Variants in SEMA4D observed in about 807,000 individuals in gnomAD.
SEMA4D encodes semaphorin-4D.
Under a neutral mutation model 74.8 loss-of-function variants are expected in SEMA4D, and 22 were observed. That is an observed-to-expected ratio of 0.29 (90% CI 0.21 to 0.42). SEMA4D has a LOEUF of 0.42. Among genes scored for constraint, SEMA4D ranks in the 10% least tolerant of loss-of-function variants. The pLI is 1.00. For synonymous variants in SEMA4D, 445 were observed against 463.7 expected, an observed-to-expected ratio of 0.96 and a Z score of 0.52; for missense variants, 937 against 1,118.4, an observed-to-expected ratio of 0.84 and a Z score of 2.31.
At chr9:89,450,667 A>T (rs1158727963) in intron 2 of SEMA4D, 5 of 209,992 alleles carry the variant, frequency 2.4e-5, no homozygotes, top group East Asian at 7.7e-5. Context: ...CAGGAAAAAA[A>T]AAAAAAAAAA....
At chr9:89,453,394 T>C (rs866450721) in intron 2 of SEMA4D, among the ~76,000 whole-genome samples, 2 of 152,236 alleles carry the variant, frequency 1.3e-5, no homozygotes, top group South Asian at 2.1e-4. Context: ...AGACACAGCA[T>C]TGTATCCTGT....
intron 7 of SEMA4D, among the ~76,000 whole-genome samples, 197 bp downstream of exon 7, chr9:89,393,365 T>C (rs370139001): frequency 6.6e-6 from 1 of 152,232 alleles, no homozygotes; most frequent in African/African-American, 2.4e-5. Context: ...ACGTTTACCA[T>C]GGCGGCTATT....
intron 1 of SEMA4D, among the ~76,000 whole-genome samples, chr9:89,496,588 A>T (rs1468279186): frequency 1.3e-5 from 2 of 152,166 alleles, no homozygotes; most frequent in African/African-American, 2.4e-5. Context: ...CCTGGTGGGT[A>T]TGCTGAGCCC....
At position 89,377,386 on chromosome 9, in the gene SEMA4D, A is replaced by G. The variant is rs546848127; in HGVS notation, c.*1318T>C. The G allele has an allele frequency of 1.4e-5, 3 of 207,074 alleles. No individual in the cohort carries two copies. The highest frequency in any genetic ancestry group is 2.9e-5 in the Non-Finnish European group (3 of 104,176). 12.8% of individuals were successfully genotyped at this position (207,074 alleles called of 1,614,324 possible). A position where few individuals can be genotyped will look rare whatever the true frequency, so the allele number is the denominator to read the frequency against. On this transcript the variant is annotated 3_prime_UTR_variant, in exon 16 of 16. Transcript: ENST00000422704. ...TGCTGGAAGATAAGACTGTCCACACACGCGCACAAACATCCAGAGTTTATT... is the reference window on the plus strand; with the variant it reads ...TGCTGGAAGATAAGACTGTCCACACGCGCGCACAAACATCCAGAGTTTATT...
rs1840301725 is a variant in SEMA4D, at chr9:89,393,580, A to G, written c.490T>C (p.Tyr164His). Residue 164 changes from tyrosine to histidine, a missense_variant, in exon 7 of 16, where the codon TAC (tyrosine) becomes CAC (histidine). Physicochemically the swap from Tyr to His is moderately conservative, Grantham distance 83. Transcript: ENST00000422704. ...GRCPFDPAHS[Y>H]TSVMVDGELY... Reference sequence around the variant, plus strand: ...GACTCACCAACCATGACGGATGTGTAGCTGTGTGCTGGGTCAAAGGGACAT... The same window carrying G: ...GACTCACCAACCATGACGGATGTGTGGCTGTGTGCTGGGTCAAAGGGACAT... The G allele has an allele frequency of 3.1e-6, 5 of 1,614,144 alleles. 1 individual carries two copies. Among genetic ancestry groups the G allele is most frequent in the African/African-American group, 1.3e-5 (1 of 75,062 alleles).
At chr9:89,394,146 T>G (rs915376549) in intron 6 of SEMA4D, among the ~76,000 whole-genome samples, 4 of 151,986 alleles carry the variant, frequency 2.6e-5, no homozygotes, top group African/African-American at 9.7e-5. Flanking sequence ...TCCAGATGGA[T>G]CAACCATCTG....
At chr9:89,446,332 C>CT (rs1444393441) in intron 2 of SEMA4D, among the ~76,000 whole-genome samples, 1 of 152,194 alleles carries the variant, frequency 6.6e-6, no homozygotes, top group Non-Finnish European at 1.5e-5. Context: ...GCTGCAGACT[C>CT]TAACTCTATA....
rs572630196 is a variant in SEMA4D at position 89,389,548 on chromosome 9, C to CCTT, written c.775-504_775-502dup. 5.5e-3 allele frequency among the ~76,000 whole-genome samples: 841 copies of CCTT among 152,340 alleles called. 7 individuals carry two copies. Among genetic ancestry groups the CCTT allele is most frequent in the African/African-American group, 0.019 (804 of 41,570 alleles). ...CCTTCCTCCCTTTAAAGGAATAGAT[C>CCTT]CTTCACTTCCTTTCTACCCAAAGTA... On this transcript the variant is annotated intron_variant, in intron 9 of 15. Coordinates refer to ENST00000422704, the MANE Select transcript of SEMA4D (RefSeq NM_001371194.2).
At chr9:89,469,183 G>A (rs1187698018) in intron 1 of SEMA4D, among the ~76,000 whole-genome samples, 1 of 152,030 alleles carries the variant, frequency 6.6e-6, no homozygotes, top group Admixed American at 6.6e-5. Flanking sequence ...ACAACTTAGA[G>A]GAAATGATCA....
chr9:89,393,412 T>TA, intron 7 of SEMA4D, 150 bp downstream of exon 7: 1 of 643,962 alleles, frequency 1.6e-6, no homozygotes, highest in Non-Finnish European at 2.8e-6. Context: ...TTAAAGGGTC[T>TA]ATGCAGTCAC....
At chr9:89,371,339 AGT>A (rs1428468609) in intron 16 of SEMA4D, among the ~76,000 whole-genome samples, 1 of 32,674 alleles carries the variant, frequency 3.1e-5, no homozygotes, top group Non-Finnish European at 5.7e-5. Context: ...GTGTGTCTGG[AGT>A]GTGGTGTGTG....
At chr9:89,462,424 T>C (rs374750509) in intron 1 of SEMA4D, among the ~76,000 whole-genome samples, 5 of 152,218 alleles carry the variant, frequency 3.3e-5, no homozygotes, top group East Asian at 1.9e-4. Flanking sequence ...GCTCTTCCTT[T>C]ATAACAACAT....
intron 1 of SEMA4D, among the ~76,000 whole-genome samples, chr9:89,456,759 G>GT (rs1169120866): frequency 2.6e-5 from 4 of 152,180 alleles, no homozygotes; most frequent in Admixed American, 6.5e-5. Context: ...GCTGATTTTT[G>GT]TATCTTTTTT....
At chr9:89,380,970 C>T in intron 15 of SEMA4D, 85 bp downstream of exon 15, 1 of 1,511,104 alleles carries the variant, frequency 6.6e-7, no homozygotes, top group Non-Finnish European at 9.2e-7. Context: ...AAAACACACA[C>T]AAATGCCACA....
intron 1 of SEMA4D, among the ~76,000 whole-genome samples, chr9:89,475,723 G>A (rs1861573685): frequency 6.6e-6 from 1 of 152,188 alleles, no homozygotes; most frequent in Non-Finnish European, 1.5e-5. Flanking sequence ...GAATTCACAG[G>A]ATGGCACACA....
At position 89,440,043 on chromosome 9, in the gene SEMA4D, G is replaced by C. The variant is rs1851355045; in HGVS notation, c.-244+15845C>G. Among the ~76,000 whole-genome samples, 3 of 152,286 alleles carry C rather than the reference G, an allele frequency of 2.0e-5. No individual in the cohort carries two copies. The South Asian group carries it at 6.2e-4, about 32-fold the overall frequency. On this transcript the variant is annotated intron_variant, in intron 2 of 15. Transcript: ENST00000422704. ...CCGTGTCCAGGACACATGGAGACCT[G>C]CCTGCTCTTAGTCCCACCAAGGGCA...
Position 89,377,329 on chromosome 9 carries a change from A to C in SEMA4D, c.*1375T>G. 2.8e-6 allele frequency: 1 copy of C among 358,178 alleles called. No individual in the cohort carries two copies. The allele number at this position is 358,178 out of a possible 1,614,324, so 22.2% of individuals were successfully genotyped here. A position where few individuals can be genotyped will look rare whatever the true frequency, so the allele number is the denominator to read the frequency against. ...AACAAGGTAAATCTTATAAAACACAAATGTTTACACCAAAATGGTCAAATC... is the reference window on the plus strand; with the variant it reads ...AACAAGGTAAATCTTATAAAACACACATGTTTACACCAAAATGGTCAAATC... On this transcript the variant is annotated 3_prime_UTR_variant, in exon 16 of 16. Coordinates refer to ENST00000422704, the MANE Select transcript of SEMA4D (RefSeq NM_001371194.2).
intron 2 of SEMA4D, among the ~76,000 whole-genome samples, chr9:89,421,463 ATC>A (rs1287538805): frequency 6.6e-6 from 1 of 152,176 alleles, no homozygotes; most frequent in Admixed American, 6.5e-5. Context: ...TACATCCAGA[ATC>A]TCTGATCCAA....
chr9:89,482,019 A>G (rs2136196379), intron 1 of SEMA4D, among the ~76,000 whole-genome samples: 1 of 152,318 alleles, frequency 6.6e-6, no homozygotes, highest in South Asian at 2.1e-4. Context: ...CTTGACTCCA[A>G]GAGGGGAAAG....
Sources: allele counts gnomAD v4.1 joint callset (sites outside exome capture counted in the v4.1 genomes callset), GRCh38; gene constraint gnomAD v4.1.1; transcripts MANE v1.5; gene names NCBI Gene and HGNC (gene_info 2026-07-23, HGNC 2026-07-21).